The following EGFR variants were observed in gnomAD, a reference collection of about 807,000 sequenced individuals.
The protein encoded by EGFR is epidermal growth factor receptor.
EGFR carries 58 observed loss-of-function variants against 143.0 expected under a neutral mutation model. That is an observed-to-expected ratio of 0.41 (90% CI 0.33 to 0.50). The LOEUF (loss-of-function observed/expected upper bound fraction) is 0.50, where lower values mean the gene tolerates loss of function less well. Among genes scored for constraint, EGFR ranks in the 20% least tolerant of loss-of-function variants. The pLI is 0.39. For synonymous variants in EGFR, 613 were observed against 594.4 expected (o/e 1.03, Z -0.45); for missense variants, 1,307 against 1,579.0 (o/e 0.83, Z 2.92).
intron 27 of EGFR, among the ~76,000 whole-genome samples, chr7:55,204,248 C>G (rs1208798731): frequency 2.0e-5 from 3 of 149,622 alleles, no homozygotes; most frequent in African/African-American, 7.4e-5. Flanking sequence ...ACACCACACA[C>G]ACATACACAC....
intron 12 of EGFR, 78 bp from the exon 13 acceptor site, chr7:55,161,421 C>G: frequency 6.5e-7 from 1 of 1,539,674 alleles, no homozygotes; most frequent in Admixed American, 1.9e-5. Context: ...AGGGCCCCTC[C>G]CGGGAAGGTG....
At chr7:55,022,432 T>G (rs1222091050) in intron 1 of EGFR, among the ~76,000 whole-genome samples, 1 of 151,612 alleles carries the variant, frequency 6.6e-6, no homozygotes, top group Non-Finnish European at 1.5e-5. Context: ...TCAAAGGAGG[T>G]CAGATCAAGA....
At chr7:55,145,510 C>A (rs1330435188) in intron 3 of EGFR, among the ~76,000 whole-genome samples, 7 of 152,212 alleles carry the variant, frequency 4.6e-5, no homozygotes, top group Non-Finnish European at 1.0e-4. Context: ...GCCTTCAGCC[C>A]TCACTTCCAC....
At chr7:55,026,943 A>T (rs1786928774) in intron 1 of EGFR, among the ~76,000 whole-genome samples, 1 of 151,964 alleles carries the variant, frequency 6.6e-6, no homozygotes, top group Non-Finnish European at 1.5e-5. Context: ...GCACCTGAGA[A>T]CCTGTTGGAG....
intron 1 of EGFR, among the ~76,000 whole-genome samples, chr7:55,077,072 T>G (rs1041022766): frequency 6.6e-6 from 1 of 152,112 alleles, no homozygotes; most frequent in Admixed American, 6.6e-5. Context: ...GAACACCATG[T>G]ACTAATGGAT....
chr7:55,085,989 C>A (rs1490406633), intron 1 of EGFR, among the ~76,000 whole-genome samples: 1 of 152,098 alleles, frequency 6.6e-6, no homozygotes, highest in Non-Finnish European at 1.5e-5. Context: ...CCCTAGAAGC[C>A]CCTCTTCCTC....
intron 1 of EGFR, among the ~76,000 whole-genome samples, chr7:55,083,958 C>T (rs1389794222): frequency 6.6e-6 from 1 of 152,092 alleles, no homozygotes; most frequent in Non-Finnish European, 1.5e-5. Flanking sequence ...AAAATACAGA[C>T]CCAAATGAAT....
At chr7:55,041,142 G>A (rs1314194266) in intron 1 of EGFR, among the ~76,000 whole-genome samples, 2 of 152,252 alleles carry the variant, frequency 1.3e-5, no homozygotes, top group African/African-American at 2.4e-5. Flanking sequence ...TCCAGGCGCA[G>A]TGGCTCATGC....
At chr7:55,159,458 T>C (rs1785592571) in intron 11 of EGFR, among the ~76,000 whole-genome samples, 1 of 152,188 alleles carries the variant, frequency 6.6e-6, no homozygotes, top group Non-Finnish European at 1.5e-5. Context: ...TAGTGTCATG[T>C]TGGATGGTGA....
chr7:55,188,126 A>G (rs1157716215), intron 20 of EGFR, among the ~76,000 whole-genome samples: 1 of 152,212 alleles, frequency 6.6e-6, no homozygotes, highest in Non-Finnish European at 1.5e-5. Flanking sequence ...TTAAATAAAT[A>G]CTTCTGAACA....
intron 1 of EGFR, among the ~76,000 whole-genome samples, chr7:55,119,900 G>C (rs1276392180): frequency 6.6e-6 from 1 of 152,192 alleles, no homozygotes; most frequent in Non-Finnish European, 1.5e-5. Context: ...GATGCAGTTG[G>C]CCAGGTCCTC....
intron 26 of EGFR, 48 bp from the exon 27 acceptor site, chr7:55,202,469 G>T: frequency 6.6e-7 from 1 of 1,509,936 alleles, no homozygotes; most frequent in Non-Finnish European, 9.0e-7. Flanking sequence ...AAACACTGAA[G>T]TTGGGGCAGC....
chr7:55,107,219 CTTCT>C (rs1164522110), intron 1 of EGFR, among the ~76,000 whole-genome samples: 1 of 152,122 alleles, frequency 6.6e-6, no homozygotes, highest in East Asian at 1.9e-4. Flanking sequence ...TGCTCCTTGC[CTTCT>C]TTCCCTCCCC....
chr7:55,116,912 A>G (rs1427793377), intron 1 of EGFR, among the ~76,000 whole-genome samples: 3 of 152,236 alleles, frequency 2.0e-5, no homozygotes, highest in African/African-American at 7.2e-5. Flanking sequence ...GCCAATGGAC[A>G]TATGGGTTCT....
In EGFR at chr7:55,184,193, C is replaced by T. The variant is rs533837026; in HGVS notation, c.2469+2715C>T. 1.0e-3 allele frequency among the ~76,000 whole-genome samples: 154 copies of T among 152,334 alleles called. 1 individual carries two copies. Among genetic ancestry groups the T allele is most frequent in the South Asian group, 2.5e-3 (12 of 4,826 alleles). On this transcript the variant is annotated intron_variant, in intron 20 of 27. Coordinates refer to ENST00000275493, the MANE Select transcript of EGFR (RefSeq NM_005228.5). ...GGGAGGGCAGTGAGCCCCTTCGCAT[C>T]GCCCACCACAGGCCCAGCACATGGC...
At chr7:55,167,622 G>A (rs900684815) in intron 15 of EGFR, among the ~76,000 whole-genome samples, 15 of 150,874 alleles carry the variant, frequency 9.9e-5, no homozygotes, top group African/African-American at 3.2e-4. Flanking sequence ...GGTGATGGTG[G>A]TGAGGAGGTG....
At position 55,171,471 on chromosome 7, in the gene EGFR, G is replaced by A. The variant is rs17337030; in HGVS notation, c.1919+258G>A. Among the ~76,000 whole-genome samples the A allele has an allele frequency of 0.023, 3,545 of 152,296 alleles. 132 individuals carry two copies. The highest frequency in any genetic ancestry group is 0.08 in the African/African-American group (3,340 of 41,546). On this transcript the variant is annotated intron_variant, in intron 16 of 27. Transcript: ENST00000275493. ...GCTGCTCCCTGCTCCGCCGTTGCTC[G>A]ATGCATGGCCTGCCTCTGAATTCCT...
intron 1 of EGFR, among the ~76,000 whole-genome samples, chr7:55,068,598 G>A (rs967278792): frequency 2.0e-5 from 3 of 152,150 alleles, no homozygotes; most frequent in South Asian, 2.1e-4. Context: ...GCTCCTGGTC[G>A]TTTCTGTTCT....
At chr7:55,137,641 T>G (rs1794221525) in intron 1 of EGFR, among the ~76,000 whole-genome samples, 1 of 152,202 alleles carries the variant, frequency 6.6e-6, no homozygotes, top group Non-Finnish European at 1.5e-5. Context: ...TATATCCACT[T>G]TCCTGAACCT....
Sources: allele counts gnomAD v4.1 joint callset (sites outside exome capture counted in the v4.1 genomes callset), GRCh38; gene constraint gnomAD v4.1.1; transcripts MANE v1.5; gene names NCBI Gene and HGNC (gene_info 2026-07-23, HGNC 2026-07-21).